Variants in NWD1 observed in about 807,000 individuals in gnomAD.
NWD1 encodes the protein NACHT domain- and WD repeat-containing protein 1.
NWD1 carries 129 observed loss-of-function variants against 135.1 expected under a neutral mutation model. That is an observed-to-expected ratio of 0.96 (90% confidence interval 0.83 to 1.11). The LOEUF is 1.11. Among genes scored for constraint, NWD1 ranks in the 50% least tolerant of loss-of-function variants. The pLI is 0.00. For synonymous variants in NWD1, 773 were observed against 786.0 expected, an observed-to-expected ratio of 0.98 and a Z score of 0.28; for missense variants, 1,740 against 1,851.3, an observed-to-expected ratio of 0.94 and a Z score of 1.10.
Position 16,779,472 on chromosome 19 carries a change from C to G in NWD1, c.2731+7C>G. ...ATGCTAACTGGACACACAGGTGAGA[C>G]TTGGGAAGTGGGCTTTGTGGTCAGC... On this transcript the variant is annotated splice_region_variant and intron_variant, in intron 12 of 18. Transcript: ENST00000524140. 3 of 1,612,212 alleles carry G rather than the reference C, an allele frequency of 1.9e-6. No individual in the cohort carries two copies. The highest frequency in any genetic ancestry group is 2.5e-6 in the Non-Finnish European group (3 of 1,179,802).
At chr19:16,780,006 G>C (rs1969799598) in intron 12 of NWD1, among the ~76,000 whole-genome samples, 2 of 152,074 alleles carry the variant, frequency 1.3e-5, no homozygotes, top group Admixed American at 1.3e-4. Context: ...GCTCTCAGCT[G>C]GGCTTGCTCA....
chr19:16,788,558 G>A (rs1970134978), intron 12 of NWD1, among the ~76,000 whole-genome samples: 1 of 131,152 alleles, frequency 7.6e-6, no homozygotes, highest in South Asian at 2.4e-4. Flanking sequence ...GACAGAGAGA[G>A]TCCGTCAAAA....
chr19:16,812,929 A>C (rs913547526), intron 18 of NWD1: 1 of 773,366 alleles, frequency 1.3e-6, no homozygotes, highest in African/African-American at 1.7e-5. Flanking sequence ...TGGGCATTAG[A>C]GGGCCCTGCT....
intron 18 of NWD1, 133 bp downstream of exon 18, chr19:16,808,269 G>A (rs1970818588): frequency 1.3e-6 from 1 of 787,994 alleles, no homozygotes; most frequent in South Asian, 1.7e-5. Flanking sequence ...GAGGCACTTG[G>A]TCAGGCGCAG....
At chr19:16,788,642 G>T (rs1970138312) in intron 12 of NWD1, among the ~76,000 whole-genome samples, 1 of 151,908 alleles carries the variant, frequency 6.6e-6, no homozygotes, top group South Asian at 2.1e-4. Context: ...AATAATGAGG[G>T]TGTGGCTGGA....
rs144364062 is a variant in NWD1 at position 16,728,710 on chromosome 19, C to T, written c.-6-2482C>T. Among the ~76,000 whole-genome samples, 753 of 151,818 alleles carry T rather than the reference C, an allele frequency of 5.0e-3. 13 individuals are homozygous for T. Among genetic ancestry groups the T allele is most frequent in the African/African-American group, 0.017 (716 of 41,474 alleles). ...CTGTAATCCCAGCACTTTGGGAGGCCGAGGCGGGCGAATCACGAGGTCAGG... is the reference window on the plus strand; with the variant it reads ...CTGTAATCCCAGCACTTTGGGAGGCTGAGGCGGGCGAATCACGAGGTCAGG... On this transcript the variant is annotated intron_variant, in intron 2 of 18. Transcript: ENST00000524140.
intron 12 of NWD1, among the ~76,000 whole-genome samples, chr19:16,782,747 G>GCTA (rs1969898455): frequency 6.6e-6 from 1 of 152,060 alleles, no homozygotes; most frequent in Admixed American, 6.6e-5. Flanking sequence ...TGTAGTCCCA[G>GCTA]CTACAAGGAG....
intron 7 of NWD1, among the ~76,000 whole-genome samples, chr19:16,761,047 A>C (rs1968992122): frequency 1.3e-5 from 2 of 149,736 alleles, no homozygotes; most frequent in Admixed American, 6.6e-5. Flanking sequence ...CCTGGCAGCC[A>C]CTCATCTGCT....
intron 6 of NWD1, 87 bp downstream of exon 6, chr19:16,750,498 A>G (rs1451797234): frequency 2.8e-5 from 30 of 1,060,032 alleles, no homozygotes; most frequent in Non-Finnish European, 3.1e-5. Flanking sequence ...TATGTCACCC[A>G]GGCTGGAGTG....
chr19:16,721,285 G>T (rs1414321692), intron 1 of NWD1: 1 of 152,064 alleles, frequency 6.6e-6, no homozygotes, highest in African/African-American at 2.4e-5. Flanking sequence ...AGGATGATCT[G>T]GCCTCAAATG....
At chr19:16,787,209 C>G (rs1054794713) in intron 12 of NWD1, among the ~76,000 whole-genome samples, 1 of 151,988 alleles carries the variant, frequency 6.6e-6, no homozygotes, top group African/African-American at 2.4e-5. Context: ...TCACTCCAGC[C>G]TCAACCTCCT....
rs1392826213 is a variant in NWD1 at position 16,787,928 on chromosome 19, C to A, written c.2732-1054C>A. ...TAATCATCATCATCATCATCATCAT[C>A]ATCATCATCATCATCATAGGCCAGG... On this transcript the variant is annotated intron_variant, in intron 12 of 18. Transcript: ENST00000524140. Among the ~76,000 whole-genome samples the A allele has an allele frequency of 8.1e-3, 1,145 of 141,598 alleles. 20 individuals are homozygous for A. The highest frequency in any genetic ancestry group is 0.051 in the South Asian group (224 of 4,422). 92.9% of individuals were successfully genotyped at this position (141,598 alleles called of 152,430 possible).
chr19:16,807,327 T>A (rs753314039), intron 17 of NWD1, among the ~76,000 whole-genome samples: 9 of 150,162 alleles, frequency 6.0e-5, no homozygotes, highest in Non-Finnish European at 1.0e-4. Flanking sequence ...AACCCCACCT[T>A]TACTAAAAAT....
chr19:16,801,022 A>G (rs1970587908), intron 17 of NWD1, among the ~76,000 whole-genome samples: 1 of 152,226 alleles, frequency 6.6e-6, no homozygotes, highest in Non-Finnish European at 1.5e-5. Flanking sequence ...TCACACCTCT[A>G]ATACCAGCAC....
intron 4 of NWD1, 72 bp downstream of exon 4, chr19:16,736,822 A>T (rs994228691): frequency 1.1e-6 from 1 of 906,046 alleles, no homozygotes; most frequent in East Asian, 2.6e-5. Context: ...AGACAAACTG[A>T]TCAGCAGAGG....
chr19:16,813,000 G>A, intron 18 of NWD1: 1 of 642,758 alleles, frequency 1.6e-6, no homozygotes. Flanking sequence ...AAAGGCAAAG[G>A]GCCCACAATC....
rs35838598 is a variant in NWD1 at position 16,782,284 on chromosome 19, T to TAAA, written c.2731+2839_2731+2841dup. On this transcript the variant is annotated intron_variant, in intron 12 of 18. Coordinates refer to ENST00000524140, the MANE Select transcript of NWD1 (RefSeq NM_001007525.5). Reference sequence around the variant, plus strand: ...GTGCAACATAGCAAGACGTCACCTCTAAAAAAAAAAAAAAAAAAAAAAGTG... The same window carrying TAAA: ...GTGCAACATAGCAAGACGTCACCTCTAAAAAAAAAAAAAAAAAAAAAAAAAGTG... Among the ~76,000 whole-genome samples the TAAA allele has an allele frequency of 7.0e-3, 533 of 76,242 alleles. 6 individuals carry two copies. Among genetic ancestry groups the TAAA allele is most frequent in the Middle Eastern group, 0.023 (3 of 132 alleles). 50.0% of individuals were successfully genotyped at this position (76,242 alleles called of 152,430 possible). A position where few individuals can be genotyped will look rare whatever the true frequency, so the allele number is the denominator to read the frequency against.
intron 17 of NWD1, among the ~76,000 whole-genome samples, chr19:16,807,060 C>T (rs992889471): frequency 2.6e-5 from 4 of 151,014 alleles, no homozygotes; most frequent in East Asian, 2.0e-4. Flanking sequence ...CAGTGGCAGG[C>T]GCCTGTAGTC....
At chr19:16,789,707 C>CCT (rs905428524) in intron 13 of NWD1, among the ~76,000 whole-genome samples, 37 of 147,134 alleles carry the variant, frequency 2.5e-4, no homozygotes, top group African/African-American at 6.9e-4. Flanking sequence ...CTCTCTCTCT[C>CCT]CTCTCTCTCT....
Sources: allele counts gnomAD v4.1 joint callset (sites outside exome capture counted in the v4.1 genomes callset), GRCh38; gene constraint gnomAD v4.1.1; transcripts MANE v1.5; gene names NCBI Gene and HGNC (gene_info 2026-07-23, HGNC 2026-07-21).